The following GMEB1 variants were observed in gnomAD, a reference collection of about 807,000 sequenced individuals.
The protein encoded by GMEB1 is glucocorticoid modulatory element binding protein 1, also known as glucocorticoid modulatory element-binding protein 1.
GMEB1 carries 6 observed loss-of-function variants against 52.4 expected under a neutral mutation model. That is an observed-to-expected ratio of 0.11 (90% confidence interval 0.06 to 0.23). The LOEUF (loss-of-function observed/expected upper bound fraction) is 0.23. GMEB1 is among the 10% of genes least tolerant of loss of function. The pLI is 1.00. For missense variants in GMEB1, 486 were observed against 685.6 expected (o/e 0.71, Z 3.25); for synonymous variants, 255 against 244.9 (o/e 1.04, Z -0.38).
intron 9 of GMEB1, 104 bp downstream of exon 9, chr1:28,710,746 G>A (rs1481011656): frequency 1.0e-5 from 7 of 668,610 alleles, no homozygotes; most frequent in African/African-American, 2.0e-5. Context: ...TTTTTAAATA[G>A]TATCAGATTT....
rs1242840628 is a variant in GMEB1 at position 28,687,387 on chromosome 1, C to CAAAAAAAA, written c.129-2710_129-2709insAAAAAAAA. On this transcript the variant is annotated intron_variant, in intron 2 of 9. Transcript: ENST00000373816. ...ACACACACACACACACACACACACA[C>CAAAAAAAA]AAAAAAAGACAGTGGAGAATAATGT... Among the ~76,000 whole-genome samples, 93 of 41,122 alleles carry CAAAAAAAA rather than the reference C, an allele frequency of 2.3e-3. 28 individuals are homozygous for CAAAAAAAA. The highest frequency in any genetic ancestry group is 0.017 in the South Asian group (15 of 906). The allele number at this position is 41,122 out of a possible 152,430, so 27.0% of individuals were successfully genotyped here.
chr1:28,670,813 G>T (rs1190075280), intron 1 of GMEB1, among the ~76,000 whole-genome samples: 2 of 152,118 alleles, frequency 1.3e-5, no homozygotes, highest in Non-Finnish European at 2.9e-5. Flanking sequence ...CCTAATTTGA[G>T]AGCCTTATAT....
chr1:28,690,041 C>G, intron 2 of GMEB1, 63 bp from the exon 3 acceptor site: 4 of 1,030,970 alleles, frequency 3.9e-6, no homozygotes, highest in Non-Finnish European at 4.4e-6. Flanking sequence ...TAACCCCATG[C>G]TGTGAATATT....
rs150668785 is a variant in GMEB1, at chr1:28,686,787, T to C, written c.128+3047T>C. ...TCCTCATTCCCTGAATAACCATTTA[T>C]TGGGTGCTTTGCCATGTTCCAGTCA... On this transcript the variant is annotated intron_variant, in intron 2 of 9. Transcript: ENST00000373816. Among the ~76,000 whole-genome samples, 515 of 152,198 alleles carry C rather than the reference T, an allele frequency of 3.4e-3. 1 individual carries two copies. Among genetic ancestry groups the C allele is most frequent in the Non-Finnish European group, 4.9e-3 (336 of 68,014 alleles).
chr1:28,670,811 G>T (rs1668849956), intron 1 of GMEB1, among the ~76,000 whole-genome samples: 1 of 152,110 alleles, frequency 6.6e-6, no homozygotes, highest in Non-Finnish European at 1.5e-5. Flanking sequence ...CTCCTAATTT[G>T]AGAGCCTTAT....
At chr1:28,688,050 G>C (rs74396008) in intron 2 of GMEB1, among the ~76,000 whole-genome samples, 1 of 151,990 alleles carries the variant, frequency 6.6e-6, no homozygotes, top group South Asian at 2.1e-4. Flanking sequence ...TTTGGGAGGC[G>C]GAGGTGGGCA....
intron 8 of GMEB1, among the ~76,000 whole-genome samples, chr1:28,705,394 TA>T (rs976663154): frequency 1.9e-4 from 27 of 140,978 alleles, no homozygotes; most frequent in African/African-American, 4.9e-4. Flanking sequence ...AGACTCCATC[TA>T]AAAAAAAAAC....
chr1:28,697,159 GTACATATATA>G (rs1466547811), intron 6 of GMEB1, 75 bp downstream of exon 6: 4 of 190,300 alleles, frequency 2.1e-5, no homozygotes, highest in Non-Finnish European at 1.8e-5. Flanking sequence ...TCCCTTGTGT[GTACATATATA>G]TATATATATA....
intron 8 of GMEB1, among the ~76,000 whole-genome samples, chr1:28,705,689 G>A (rs1670722007): frequency 6.7e-6 from 1 of 150,160 alleles, no homozygotes; most frequent in Admixed American, 6.6e-5. Flanking sequence ...GACCTTGGGT[G>A]ATCCGCCCGC....
chr1:28,684,596 G>T (rs922109069), intron 2 of GMEB1, among the ~76,000 whole-genome samples: 3 of 150,224 alleles, frequency 2.0e-5, no homozygotes, highest in African/African-American at 7.3e-5. Flanking sequence ...AGGCCTACAT[G>T]GATGGAGCTG....
rs114329470 is a variant in GMEB1 at position 28,695,274 on chromosome 1, C to T, written c.441-1653C>T. Among the ~76,000 whole-genome samples, 504 of 151,590 alleles carry T rather than the reference C, an allele frequency of 3.3e-3. 3 individuals carry two copies. Among genetic ancestry groups the T allele is most frequent in the African/African-American group, 0.012 (487 of 41,358 alleles). ...AGCCACCACACCCCACTTTTGTTGC[C>T]AAGGCTAGAGTGTAATGGCGTGATC... On this transcript the variant is annotated intron_variant, in intron 5 of 9. Transcript: ENST00000373816.
intron 3 of GMEB1, among the ~76,000 whole-genome samples, chr1:28,690,970 G>C (rs1297413543): frequency 6.7e-6 from 1 of 150,136 alleles, no homozygotes; most frequent in Non-Finnish European, 1.5e-5. Context: ...ACAAGAGCGA[G>C]ACATCATCCT....
At chr1:28,690,011 A>G in intron 2 of GMEB1, 93 bp from the exon 3 acceptor site, 1 of 760,326 alleles carries the variant, frequency 1.3e-6, no homozygotes, top group South Asian at 1.7e-5. Context: ...TTCTTTTGAG[A>G]TAGTTTGAAA....
chr1:28,690,091 A>G lies in GMEB1; in HGVS notation c.129-13A>G. ...TTATGTAGTTTGTTTATCGATGGACACTTTTACAACAGGATTTATGAAGCT... is the reference window on the plus strand; with the variant it reads ...TTATGTAGTTTGTTTATCGATGGACGCTTTTACAACAGGATTTATGAAGCT... On this transcript the variant is annotated splice_polypyrimidine_tract_variant and intron_variant, in intron 2 of 9. Coordinates refer to ENST00000373816, the MANE Select transcript of GMEB1 (RefSeq NM_001319674.2). 2 of 1,585,120 alleles carry G rather than the reference A, an allele frequency of 1.3e-6. No individual in the cohort carries two copies. The highest frequency in any genetic ancestry group is 1.7e-6 in the Non-Finnish European group (2 of 1,162,562).
chr1:28,687,358 ACACACACACACACAC>A (rs1669698136), intron 2 of GMEB1, among the ~76,000 whole-genome samples: 1 of 49,190 alleles, frequency 2.0e-5, no homozygotes, highest in Admixed American at 1.7e-4. Flanking sequence ...ACACACACAC[ACACACACACACACAC>A]ACACACACAC....
chr1:28,681,438 G>A (rs1669383898), intron 1 of GMEB1, among the ~76,000 whole-genome samples: 1 of 152,104 alleles, frequency 6.6e-6, no homozygotes. Context: ...GAAGGGAGAA[G>A]ATGAGGGAGA....
chr1:28,677,722 G>C (rs1669221504), intron 1 of GMEB1, among the ~76,000 whole-genome samples: 1 of 152,114 alleles, frequency 6.6e-6, no homozygotes, highest in Admixed American at 6.6e-5. Context: ...AGGATTAGAT[G>C]GTATTTGTAT....
intron 6 of GMEB1, 94 bp downstream of exon 6, chr1:28,697,178 T>C (rs1271202572): frequency 3.2e-5 from 5 of 158,178 alleles, no homozygotes; most frequent in Non-Finnish European, 3.9e-5. Flanking sequence ...TATATATATA[T>C]ATATATATAT....
chr1:28,671,029 A>G (rs972050861), intron 1 of GMEB1, among the ~76,000 whole-genome samples: 1 of 152,112 alleles, frequency 6.6e-6, no homozygotes, highest in South Asian at 2.1e-4. Context: ...TCAAACATCT[A>G]CATAATAGTC....
Sources: gnomAD v4.1 joint callset for allele counts (sites outside exome capture counted in the v4.1 genomes callset) on GRCh38, gnomAD v4.1.1 for gene constraint, MANE v1.5 for transcripts, NCBI Gene and HGNC (gene_info 2026-07-23, HGNC 2026-07-21) for gene names.